The following UNC45B variants were observed in gnomAD, a reference collection of about 807,000 sequenced individuals.
UNC45B encodes unc-45 myosin chaperone B, also known as protein unc-45 homolog B.
UNC45B carries 78 observed loss-of-function variants against 98.7 expected under a neutral mutation model. The ratio of observed to expected loss-of-function variants is 0.79; its 90% CI spans 0.66 to 0.95. The LOEUF (loss-of-function observed/expected upper bound fraction) is 0.95. Ranked by LOEUF, UNC45B falls within the 40% of genes least tolerant of loss-of-function variation. UNC45B has a pLI of 0.00. For missense variants in UNC45B, 1,225 were observed against 1,184.9 expected, an observed-to-expected ratio of 1.03 and a Z score of -0.50; for synonymous variants, 462 against 480.4, an observed-to-expected ratio of 0.96 and a Z score of 0.50.
At chr17:35,184,239 AG>A (rs1333059444) in intron 19 of UNC45B, among the ~76,000 whole-genome samples, 1 of 152,186 alleles carries the variant, frequency 6.6e-6, no homozygotes, top group African/African-American at 2.4e-5. Context: ...CTAAGTTCCA[AG>A]GGGGGTTACG....
chr17:35,184,402 G>A (rs2092291445), intron 19 of UNC45B, among the ~76,000 whole-genome samples: 1 of 152,190 alleles, frequency 6.6e-6, no homozygotes, highest in Non-Finnish European at 1.5e-5. Flanking sequence ...TTCCCAACGT[G>A]TTCTGATTTA....
intron 17 of UNC45B, 124 bp downstream of exon 17, chr17:35,177,734 G>A (rs2092245206): frequency 2.8e-6 from 2 of 705,164 alleles, no homozygotes; most frequent in African/African-American, 3.6e-5. Flanking sequence ...GGTGGGATTT[G>A]AGTTAGCACA....
At position 35,150,043 on chromosome 17, in the gene UNC45B, G is replaced by A. The variant is rs552420871; in HGVS notation, c.206-5G>A. On this transcript the variant is annotated splice_region_variant and splice_polypyrimidine_tract_variant and intron_variant, in intron 3 of 19. Transcript: ENST00000394570. ...AGGTCCTCATCCCCCGTCTCCCCTC[G>A]ATAGCCATCGACATCAACTCCTCGG... The A allele has an allele frequency of 2.4e-5, 38 of 1,593,710 alleles. No homozygotes were observed. Among genetic ancestry groups the A allele is most frequent in the Admixed American group, 1.5e-4 (9 of 58,320 alleles).
chr17:35,160,832 G>C (rs1183888323), intron 8 of UNC45B, among the ~76,000 whole-genome samples: 2 of 152,216 alleles, frequency 1.3e-5, no homozygotes, highest in African/African-American at 4.8e-5. Context: ...TTCTTTGATT[G>C]TTAAGGAATC....
intron 10 of UNC45B, 108 bp from the exon 11 acceptor site, chr17:35,169,729 A>G (rs2092168794): frequency 1.1e-6 from 1 of 922,490 alleles, no homozygotes; most frequent in Non-Finnish European, 1.7e-6. Context: ...CAAGCAAAGA[A>G]AGAGGGGCGA....
chr17:35,161,546 T>C (rs573411309), intron 8 of UNC45B, among the ~76,000 whole-genome samples: 78 of 152,278 alleles, frequency 5.1e-4, no homozygotes, highest in South Asian at 2.1e-3. Context: ...GGAGTCTGTG[T>C]TGGCTCATCA....
chr17:35,152,813 T>C (rs2142532271), intron 4 of UNC45B, 80 bp from the exon 5 acceptor site: 1 of 1,067,348 alleles, frequency 9.4e-7, no homozygotes, highest in Non-Finnish European at 1.5e-6. Flanking sequence ...CACCTGATAT[T>C]TACTGAGATG....
At chr17:35,156,170 GA>G (rs1263870909) in intron 7 of UNC45B, among the ~76,000 whole-genome samples, 1 of 152,188 alleles carries the variant, frequency 6.6e-6, no homozygotes, top group Non-Finnish European at 1.5e-5. Context: ...ATGGAAAGTA[GA>G]ATAGTGTTTG....
intron 9 of UNC45B, among the ~76,000 whole-genome samples, chr17:35,167,767 C>T (rs1162479003): frequency 6.6e-6 from 1 of 152,164 alleles, no homozygotes; most frequent in Non-Finnish European, 1.5e-5. Flanking sequence ...TTCCCAAGAG[C>T]TCTCTCTAAT....
intron 18 of UNC45B, among the ~76,000 whole-genome samples, chr17:35,182,482 C>T (rs2092280194): frequency 6.6e-6 from 1 of 152,108 alleles, no homozygotes; most frequent in Non-Finnish European, 1.5e-5. Flanking sequence ...GGATTCCATT[C>T]TGATGGTGAA....
In UNC45B at chr17:35,155,469, GA is replaced by G; in HGVS notation, c.808+8del. ...AGGAGGAGGCCCTGGTTCTAGGTAG[GA>G]AACATTCTTCAGTTTTGATTCAAGG... On this transcript the variant is annotated splice_donor_region_variant and intron_variant, in intron 7 of 19. Transcript: ENST00000394570. 6.2e-7 allele frequency: 1 copy of G among 1,613,566 alleles called. No homozygotes were observed. Among genetic ancestry groups the G allele is most frequent in the Admixed American group, 1.7e-5 (1 of 59,996 alleles).
intron 10 of UNC45B, among the ~76,000 whole-genome samples, chr17:35,168,599 A>C (rs1422179400): frequency 1.3e-5 from 2 of 152,208 alleles, no homozygotes; most frequent in African/African-American, 4.8e-5. Context: ...CTGCTTATGA[A>C]CAACATGAAC....
intron 4 of UNC45B, among the ~76,000 whole-genome samples, chr17:35,150,555 G>C (rs1165529490): frequency 6.6e-6 from 1 of 152,170 alleles, no homozygotes; most frequent in East Asian, 1.9e-4. Context: ...TTTGAGACCA[G>C]CCTGGACAAC....
chr17:35,176,936 C>A, intron 15 of UNC45B, 81 bp from the exon 16 acceptor site: 1 of 1,117,610 alleles, frequency 8.9e-7, no homozygotes, highest in Non-Finnish European at 1.3e-6. Context: ...ATGGGACAGA[C>A]AGACAGCACC....
intron 2 of UNC45B, 103 bp downstream of exon 2, chr17:35,148,534 A>C: frequency 2.2e-6 from 3 of 1,348,134 alleles, no homozygotes; most frequent in East Asian, 2.4e-5. Flanking sequence ...ATCCCAGCCG[A>C]CTCTCCTGGA....
At chr17:35,164,224 T>C in intron 9 of UNC45B, 58 bp downstream of exon 9, 2 of 1,508,882 alleles carry the variant, frequency 1.3e-6, no homozygotes, top group South Asian at 2.6e-5. Flanking sequence ...TATGGCTGTG[T>C]AACAAATTAT....
At chr17:35,164,764 C>T (rs1240065445) in intron 9 of UNC45B, 1 of 152,182 alleles carries the variant, frequency 6.6e-6, no homozygotes, top group Non-Finnish European at 1.5e-5. Context: ...CTCTGTTCCC[C>T]ACGCTGGAGT....
intron 1 of UNC45B, 36 bp from the exon 2 acceptor site, chr17:35,148,228 G>A (rs1331445658): frequency 4.3e-6 from 7 of 1,611,604 alleles, no homozygotes; most frequent in Non-Finnish European, 5.9e-6. Flanking sequence ...TCTGCAGTGA[G>A]GGGCTGACCA....
rs956191568 is a variant in UNC45B, at chr17:35,162,021, C to T, written c.980-1974C>T. On this transcript the variant is annotated intron_variant, in intron 8 of 19. Coordinates refer to ENST00000394570, the MANE Select transcript of UNC45B (RefSeq NM_001267052.2). Reference sequence around the variant, plus strand: ...GGGCATGGAAGTGCCACGCCCCTTGCCAATACCTTGCCCTCTGCATCTCTT... The same window carrying T: ...GGGCATGGAAGTGCCACGCCCCTTGTCAATACCTTGCCCTCTGCATCTCTT... 1.4e-4 allele frequency among the ~76,000 whole-genome samples: 21 copies of T among 152,300 alleles called. 1 individual carries two copies. The highest frequency in any genetic ancestry group is 7.8e-4 in the Admixed American group (12 of 15,302).
Sources: gnomAD v4.1 joint callset for allele counts (sites outside exome capture counted in the v4.1 genomes callset) on GRCh38, gnomAD v4.1.1 for gene constraint, MANE v1.5 for transcripts, NCBI Gene and HGNC (gene_info 2026-07-23, HGNC 2026-07-21) for gene names.